Variants in PUDP observed in about 807,000 individuals in gnomAD.
PUDP encodes pseudouridine-5'-phosphatase.
In PUDP, 8 loss-of-function variants were observed where a neutral mutation model predicts 9.4. The observed-to-expected ratio is 0.85, with a 90% CI of 0.50 to 1.53. The LOEUF (loss-of-function observed/expected upper bound fraction) is 1.53. Ranked by LOEUF, PUDP falls within the 40% of genes most tolerant of loss-of-function variation. PUDP has a pLI of 0.00. For synonymous variants in PUDP, 99 were observed against 80.7 expected, an observed-to-expected ratio of 1.23 and a Z score of -1.22; for missense variants, 188 against 189.7, an observed-to-expected ratio of 0.99 and a Z score of 0.05.
At chrX:6,862,085 G>C (rs1359552476) in intron 3 of PUDP, among the ~76,000 whole-genome samples, 2 of 111,869 alleles carry the variant, frequency 1.8e-5, no homozygotes, top group African/African-American at 6.5e-5. Context: ...ACCTTCCACA[G>C]ATGGAGCTTA....
intron 3 of PUDP, among the ~76,000 whole-genome samples, chrX:6,793,917 T>C (rs1464912580): frequency 1.8e-5 from 2 of 111,596 alleles, no homozygotes; most frequent in Middle Eastern, 4.2e-3. Context: ...CCCCACTGTG[T>C]ATGTACTTCC....
At chrX:6,852,616 C>T (rs116798799) in intron 3 of PUDP, among the ~76,000 whole-genome samples, 5,014 of 94,020 alleles carry the variant, frequency 0.053, 263 homozygotes, top group African/African-American at 0.17. Context: ...ATTAAGCTCA[C>T]GTCATTTTAT....
At chrX:6,806,039 G>A (rs970157564) in intron 3 of PUDP, among the ~76,000 whole-genome samples, 2 of 110,647 alleles carry the variant, frequency 1.8e-5, no homozygotes, top group Non-Finnish European at 3.8e-5. Flanking sequence ...AAAGTGGTGA[G>A]ACAAATTGGC....
At chrX:6,814,553 C>T (rs1478166475) in intron 3 of PUDP, among the ~76,000 whole-genome samples, 3 of 110,631 alleles carry the variant, frequency 2.7e-5, no homozygotes, top group African/African-American at 9.8e-5. Context: ...GCAAATATAC[C>T]CCTCTAAATT....
chrX:6,803,290 C>A (rs1452601957), intron 3 of PUDP, among the ~76,000 whole-genome samples: 2 of 109,584 alleles, frequency 1.8e-5, no homozygotes, highest in East Asian at 5.7e-4. Context: ...CACACGGCAA[C>A]AATAATCAGG....
intron 1 of PUDP, among the ~76,000 whole-genome samples, chrX:7,111,480 G>T (rs757050922): frequency 4.3e-4 from 45 of 104,084 alleles, no homozygotes; most frequent in African/African-American, 1.6e-3. Context: ...CAGAGCGGGG[G>T]TGGCCTTAAA....
At position 7,140,337 on chromosome X, in the gene PUDP, G is replaced by A. The variant is rs190591330; in HGVS notation, c.61+7716C>T. 6.3e-5 allele frequency among the ~76,000 whole-genome samples: 7 copies of A among 111,410 alleles called. No homozygotes were observed. In the East Asian group the frequency reaches 1.4e-3, roughly 22 times the overall value. On this transcript the variant is annotated intron_variant, in intron 1 of 3. Coordinates refer to ENST00000381077, the MANE Select transcript of PUDP (RefSeq NM_012080.5). Reference sequence around the variant, plus strand: ...GATGGTAGGAGCATTATTTTCAAGCGTAATGTATTCCAGAATAACACTATT... The same window carrying A: ...GATGGTAGGAGCATTATTTTCAAGCATAATGTATTCCAGAATAACACTATT...
At chrX:6,718,754 A>T (rs758683545) in intron 1 of PUDP, among the ~76,000 whole-genome samples, 1 of 112,103 alleles carries the variant, frequency 8.9e-6, no homozygotes, top group Admixed American at 9.4e-5. Context: ...TAAAAACTTT[A>T]AAAATCAAAA....
intron 1 of PUDP, among the ~76,000 whole-genome samples, chrX:6,981,984 C>T (rs1401183407): frequency 9.2e-6 from 1 of 108,316 alleles, no homozygotes; most frequent in Non-Finnish European, 1.9e-5. Flanking sequence ...CAGACACACA[C>T]ACACACACAC....
chrX:7,101,279 A>G (rs912122850), intron 2 of PUDP, among the ~76,000 whole-genome samples: 4 of 111,443 alleles, frequency 3.6e-5, no homozygotes, highest in African/African-American at 1.3e-4. Flanking sequence ...AAAAAACATG[A>G]TTTGTCAAGT....
chrX:6,889,121 C>T (rs779783487), intron 3 of PUDP, among the ~76,000 whole-genome samples: 4 of 111,951 alleles, frequency 3.6e-5, no homozygotes, highest in Non-Finnish European at 7.5e-5. Context: ...ATGCATTCTC[C>T]GTACAAGGCA....
At chrX:7,124,695 C>G (rs1158708657) in intron 1 of PUDP, among the ~76,000 whole-genome samples, 1 of 111,190 alleles carries the variant, frequency 9.0e-6, no homozygotes, top group Non-Finnish European at 1.9e-5. Flanking sequence ...GCCTGTAATC[C>G]CAGCACTTTG....
intron 3 of PUDP, among the ~76,000 whole-genome samples, chrX:6,856,829 G>A (rs960956297): frequency 3.6e-5 from 4 of 111,679 alleles, no homozygotes; most frequent in African/African-American, 9.8e-5. Context: ...CCCCAGTGTG[G>A]GTATCCTTCA....
intron 3 of PUDP, among the ~76,000 whole-genome samples, chrX:6,820,027 A>C (rs1020412741): frequency 2.8e-5 from 3 of 108,930 alleles, no homozygotes; most frequent in Non-Finnish European, 5.7e-5. Context: ...ACTGGGAAGA[A>C]AAACAGGTTT....
intron 3 of PUDP, among the ~76,000 whole-genome samples, chrX:6,790,292 G>C (rs1290337399): frequency 2.7e-5 from 3 of 112,122 alleles, no homozygotes; most frequent in African/African-American, 9.7e-5. Context: ...AGAGGAATTT[G>C]TACAAAAATG....
chrX:7,029,156 A>C (rs1929759300), intron 1 of PUDP, among the ~76,000 whole-genome samples: 1 of 111,937 alleles, frequency 8.9e-6, no homozygotes, highest in Non-Finnish European at 1.9e-5. Flanking sequence ...TTTTTCACTC[A>C]TCAGCTATTG....
At chrX:6,741,782 G>A (rs1291174062) in intron 3 of PUDP, among the ~76,000 whole-genome samples, 1 of 109,645 alleles carries the variant, frequency 9.1e-6, no homozygotes, top group African/African-American at 3.4e-5. Flanking sequence ...CTACATGCTT[G>A]TATAAAGATT....
intron 3 of PUDP, among the ~76,000 whole-genome samples, chrX:6,735,487 G>A (rs956877857): frequency 1.8e-5 from 2 of 112,124 alleles, no homozygotes; most frequent in African/African-American, 6.5e-5. Context: ...ACTTATTTTT[G>A]CATACCTTTC....
intron 1 of PUDP, among the ~76,000 whole-genome samples, chrX:6,982,230 T>C (rs991761910): frequency 1.8e-5 from 2 of 111,831 alleles, no homozygotes; most frequent in Non-Finnish European, 3.8e-5. Flanking sequence ...GCCTAATGTG[T>C]TCCTCCTGCC....
Sources: allele counts gnomAD v4.1 joint callset (sites outside exome capture counted in the v4.1 genomes callset), GRCh38; gene constraint gnomAD v4.1.1; transcripts MANE v1.5; gene names NCBI Gene and HGNC (gene_info 2026-07-23, HGNC 2026-07-21).